Variants in VPS8 observed in about 807,000 individuals in gnomAD.
The protein encoded by VPS8 is vacuolar protein sorting-associated protein 8 homolog.
VPS8 carries 129 observed loss-of-function variants against 216.4 expected under a neutral mutation model. The ratio of observed to expected loss-of-function variants is 0.60; its 90% CI spans 0.52 to 0.69. The LOEUF is 0.69. Ranked by LOEUF, VPS8 falls within the 30% of genes least tolerant of loss-of-function variation. The pLI, the probability that VPS8 is intolerant of heterozygous loss-of-function variation, is 0.00. For missense variants in VPS8, 1,531 were observed against 1,683.5 expected (o/e 0.91, Z 1.59); for synonymous variants, 571 against 565.4 (o/e 1.01, Z -0.14).
intron 47 of VPS8, among the ~76,000 whole-genome samples, 189 bp from the exon 48 acceptor site, chr3:185,051,687 A>G (rs972342286): frequency 7.2e-5 from 11 of 152,200 alleles, no homozygotes; most frequent in African/African-American, 2.7e-4. Flanking sequence ...TTTAGACCCT[A>G]AAAAATGAAG....
chr3:184,848,958 T>C, intron 8 of VPS8, 113 bp from the exon 9 acceptor site: 5 of 1,149,292 alleles, frequency 4.4e-6, no homozygotes, highest in Non-Finnish European at 6.3e-6. Flanking sequence ...GTGACTTCAT[T>C]ATCTGCTGCT....
intron 21 of VPS8, among the ~76,000 whole-genome samples, chr3:184,877,723 T>C (rs1729531925): frequency 6.6e-6 from 1 of 152,244 alleles, no homozygotes; most frequent in Admixed American, 6.5e-5. Context: ...TACTGTACTA[T>C]GTTTCATCCC....
At chr3:185,009,645 A>G (rs1754729312) in intron 45 of VPS8, among the ~76,000 whole-genome samples, 1 of 152,136 alleles carries the variant, frequency 6.6e-6, no homozygotes, top group Non-Finnish European at 1.5e-5. Flanking sequence ...ATATAAAATA[A>G]TGGTTCATAA....
At chr3:185,007,579 A>G (rs142587059) in intron 45 of VPS8, among the ~76,000 whole-genome samples, 1 of 152,298 alleles carries the variant, frequency 6.6e-6, no homozygotes, top group Non-Finnish European at 1.5e-5. Flanking sequence ...GAGAGTAGGT[A>G]ATAAGCTAAC....
chr3:185,003,666 G>T (rs935136626), intron 45 of VPS8, among the ~76,000 whole-genome samples: 11 of 152,168 alleles, frequency 7.2e-5, no homozygotes, highest in African/African-American at 2.7e-4. Flanking sequence ...ATGAGCTGTT[G>T]GGTACACCTC....
At chr3:184,831,713 C>G (rs1720025842) in intron 3 of VPS8, among the ~76,000 whole-genome samples, 1 of 152,202 alleles carries the variant, frequency 6.6e-6, no homozygotes, top group Admixed American at 6.5e-5. Context: ...CTCAACCCCC[C>G]ATTTCAATGG....
At chr3:184,893,983 A>C (rs987146720) in intron 22 of VPS8, among the ~76,000 whole-genome samples, 24 of 152,216 alleles carry the variant, frequency 1.6e-4, no homozygotes, top group African/African-American at 5.1e-4. Context: ...ATATAACTCA[A>C]ATTATTTATG....
chr3:184,904,775 T>G (rs1735188600), intron 25 of VPS8, among the ~76,000 whole-genome samples: 4 of 152,186 alleles, frequency 2.6e-5, no homozygotes, highest in African/African-American at 9.7e-5. Flanking sequence ...TGTGTAGGAT[T>G]AGTGTTAACT....
At chr3:184,890,976 T>C (rs971547038) in intron 22 of VPS8, among the ~76,000 whole-genome samples, 2 of 152,152 alleles carry the variant, frequency 1.3e-5, no homozygotes, top group South Asian at 2.1e-4. Context: ...GGCTATATGT[T>C]AGCATATATA....
At chr3:185,019,656 G>A (rs957460834) in intron 45 of VPS8, among the ~76,000 whole-genome samples, 2 of 152,204 alleles carry the variant, frequency 1.3e-5, no homozygotes, top group African/African-American at 4.8e-5. Flanking sequence ...CCCTGGGTGG[G>A]CCAGGTGTTC....
At chr3:184,822,044 C>T (rs1485726594) in intron 1 of VPS8, among the ~76,000 whole-genome samples, 1 of 150,866 alleles carries the variant, frequency 6.6e-6, no homozygotes, top group Non-Finnish European at 1.5e-5. Context: ...CACAATATTC[C>T]ATTTTAATGA....
chr3:184,819,933 C>G (rs1717191429), intron 1 of VPS8, among the ~76,000 whole-genome samples: 1 of 152,116 alleles, frequency 6.6e-6, no homozygotes, highest in Non-Finnish European at 1.5e-5. Flanking sequence ...AATATACTTG[C>G]TTTTCATTAC....
intron 22 of VPS8, among the ~76,000 whole-genome samples, chr3:184,892,082 A>G (rs1445405230): frequency 2.6e-5 from 4 of 152,140 alleles, no homozygotes; most frequent in Non-Finnish European, 4.4e-5. Flanking sequence ...TTTCTGTTAC[A>G]CTGGCCATAG....
intron 8 of VPS8, 62 bp downstream of exon 8, chr3:184,843,307 G>A: frequency 8.2e-7 from 1 of 1,222,184 alleles, no homozygotes. Context: ...TGTTGGAAGA[G>A]AATGCTACCA....
chr3:184,981,917 T>C (rs1464065465), intron 40 of VPS8, among the ~76,000 whole-genome samples: 5 of 151,708 alleles, frequency 3.3e-5, no homozygotes, highest in African/African-American at 1.2e-4. Flanking sequence ...AAAATGTAAA[T>C]GTAAAGCATT....
At chr3:184,838,676 G>T in intron 5 of VPS8, 38 bp from the exon 6 acceptor site, 1 of 1,499,314 alleles carries the variant, frequency 6.7e-7, no homozygotes, top group South Asian at 1.3e-5. Context: ...TTTAAAATGA[G>T]AATATTTTTC....
intron 10 of VPS8, 50 bp from the exon 11 acceptor site, chr3:184,852,450 T>C: frequency 6.4e-7 from 1 of 1,559,458 alleles, no homozygotes. Context: ...TCCTCCTTAA[T>C]ACTTGACTGT....
chr3:184,883,263 C>A (rs1299726015), intron 21 of VPS8, among the ~76,000 whole-genome samples: 2 of 152,124 alleles, frequency 1.3e-5, no homozygotes, highest in Non-Finnish European at 2.9e-5. Context: ...CTCTATTGTC[C>A]TTGGACAATT....
chr3:184,986,590 T>C (rs1274975301), intron 42 of VPS8, among the ~76,000 whole-genome samples: 2 of 152,106 alleles, frequency 1.3e-5, no homozygotes, highest in East Asian at 3.9e-4. Context: ...GAGACAGAGG[T>C]TCATTTTCTT....
Sources: gnomAD v4.1 joint callset for allele counts (sites outside exome capture counted in the v4.1 genomes callset) on GRCh38, gnomAD v4.1.1 for gene constraint, MANE v1.5 for transcripts, NCBI Gene and HGNC (gene_info 2026-07-23, HGNC 2026-07-21) for gene names.